The following PRUNE2 variants were observed in gnomAD, a reference collection of about 807,000 sequenced individuals.
PRUNE2 encodes the protein protein prune homolog 2.
In PRUNE2, 164 loss-of-function variants were observed where a neutral mutation model predicts 252.0. The ratio of observed to expected loss-of-function variants is 0.65; its 90% CI spans 0.57 to 0.74. The LOEUF (loss-of-function observed/expected upper bound fraction) is 0.74. Ranked by LOEUF, PRUNE2 falls within the 30% of genes least tolerant of loss-of-function variation. The probability of loss-of-function intolerance (pLI) is 0.00; values close to 1 mark genes in which losing one functional copy is unlikely to be tolerated. For missense variants in PRUNE2, 3,495 were observed against 3,711.0 expected, an observed-to-expected ratio of 0.94 and a Z score of 1.51; for synonymous variants, 1,292 against 1,350.2, an observed-to-expected ratio of 0.96 and a Z score of 0.94.
rs373758196 is a variant in PRUNE2 at position 76,709,546 on chromosome 9, C to T, written c.2728G>A (p.Gly910Ser). 6.2e-6 allele frequency: 10 copies of T among 1,613,852 alleles called. No individual in the cohort carries two copies. The African/African-American group carries it at 1.2e-4, about 19-fold the overall frequency. Residue 910 changes from glycine to serine, a missense_variant, in exon 8 of 19, where the codon GGC (glycine) becomes AGC (serine). Gly to Ser is a moderately conservative substitution (Grantham distance 56). Transcript: ENST00000376718. ...GAATCTACCTTTTCATATACCTTGC[C>T]CCTAGTTTTAGGATCCACTAAACCA... ...QNGLVDPKTR[G>S]KVYEKVDSWN...
chr9:76,835,066 G>C (rs2058883190), intron 4 of PRUNE2, among the ~76,000 whole-genome samples: 1 of 152,118 alleles, frequency 6.6e-6, no homozygotes, highest in African/African-American at 2.4e-5. Context: ...AACAAAGAAA[G>C]CAATTATGAG....
intron 1 of PRUNE2, among the ~76,000 whole-genome samples, chr9:76,869,952 A>C (rs1589686240): frequency 6.6e-6 from 1 of 152,190 alleles, no homozygotes; most frequent in African/African-American, 2.4e-5. Flanking sequence ...TTTAAGGGAG[A>C]TCATTAACTA....
intron 9 of PRUNE2, among the ~76,000 whole-genome samples, chr9:76,669,704 C>T (rs2040940052): frequency 6.6e-6 from 1 of 152,178 alleles, no homozygotes; most frequent in South Asian, 2.1e-4. Flanking sequence ...GCGTGAGATG[C>T]CAGTCTTCCT....
intron 6 of PRUNE2, among the ~76,000 whole-genome samples, chr9:76,714,510 T>A (rs2046985181): frequency 6.6e-6 from 1 of 151,992 alleles, no homozygotes; most frequent in African/African-American, 2.4e-5. Flanking sequence ...TCCTCCCAGT[T>A]CAGCCTCCCA....
intron 9 of PRUNE2, among the ~76,000 whole-genome samples, chr9:76,671,217 T>A (rs953666557): frequency 3.7e-4 from 53 of 144,300 alleles, no homozygotes; most frequent in Non-Finnish European, 6.1e-5. Context: ...AAGGAGCTGA[T>A]GGAGCTGAAA....
chr9:76,865,983 G>A (rs575453387), intron 1 of PRUNE2, among the ~76,000 whole-genome samples: 164 of 152,236 alleles, frequency 1.1e-3, no homozygotes, highest in Middle Eastern at 3.4e-3. Context: ...CTCAAGACAA[G>A]ATTCTTGACT....
chr9:76,632,932 A>G (rs992777701), intron 15 of PRUNE2, among the ~76,000 whole-genome samples: 1 of 152,238 alleles, frequency 6.6e-6, no homozygotes, highest in Non-Finnish European at 1.5e-5. Flanking sequence ...AAAATATTCT[A>G]TGATGCCGGC....
rs775573390 is a variant in PRUNE2, at chr9:76,709,331, G to A, written c.2943C>T (p.Asp981=). 1.5e-5 allele frequency: 24 copies of A among 1,613,674 alleles called. No individual in the cohort carries two copies. The highest frequency in any genetic ancestry group is 8.9e-5 in the East Asian group (4 of 44,880). ...ATGGCTTGTGTTCAGTTTCCTTTTC[G>A]TCTCCAGCAAATGTTGGTGATGTGT... ...DSYTSPTFAG[D]EKETEHKPFA... The change falls in exon 8 of 19, where the codon GAC becomes GAT. Residue 981 remains aspartate (D), a synonymous_variant. Coordinates refer to ENST00000376718, the MANE Select transcript of PRUNE2 (RefSeq NM_015225.3).
At chr9:76,859,342 T>C (rs2060429978) in intron 1 of PRUNE2, among the ~76,000 whole-genome samples, 1 of 152,176 alleles carries the variant, frequency 6.6e-6, no homozygotes, top group Non-Finnish European at 1.5e-5. Flanking sequence ...TCAGATTCAA[T>C]GGCCCATTAA....
chr9:76,846,564 G>T lies in PRUNE2; in HGVS notation c.459C>A (p.Leu153=). 9 of 1,614,088 alleles carry T rather than the reference G, an allele frequency of 5.6e-6. No individual in the cohort carries two copies. Among genetic ancestry groups the T allele is most frequent in the Non-Finnish European group, 7.6e-6 (9 of 1,179,966 alleles). ...CGGTGATGAGCTCAGGAGCCTCTTG[G>T]AGAATCTCCTTTAGCACGAGAGAAG... ...SSSSLVLKEI[L]QEAPELITEQ... The change falls in exon 4 of 19, where the codon CTC becomes CTA. Residue 153 remains leucine (L), a synonymous_variant. Coordinates refer to ENST00000376718, the MANE Select transcript of PRUNE2 (RefSeq NM_015225.3).
intron 6 of PRUNE2, among the ~76,000 whole-genome samples, chr9:76,767,086 A>T (rs149901244): frequency 6.6e-6 from 1 of 152,180 alleles, no homozygotes; most frequent in Non-Finnish European, 1.5e-5. Context: ...TGATGAATAA[A>T]TATCTGTTTA....
In PRUNE2 at chr9:76,846,502, A is replaced by G; in HGVS notation, c.508+13T>C. On this transcript the variant is annotated intron_variant, in intron 4 of 18. Coordinates refer to ENST00000376718, the MANE Select transcript of PRUNE2 (RefSeq NM_015225.3). ...AAGCCTTCCAGTATTTAATAGGAAG[A>G]GCCATCTCTCACCTCTGAGGCGATG... 1.9e-6 allele frequency: 3 copies of G among 1,607,082 alleles called. No individual in the cohort carries two copies. The highest frequency in any genetic ancestry group is 2.6e-6 in the Non-Finnish European group (3 of 1,175,740).
intron 4 of PRUNE2, among the ~76,000 whole-genome samples, chr9:76,843,760 C>T (rs909117770): frequency 6.8e-6 from 1 of 147,696 alleles, no homozygotes; most frequent in African/African-American, 2.5e-5. Context: ...TGGAGTTTCA[C>T]CCTTGTGCCT....
chr9:76,781,035 C>T (rs957634785), intron 6 of PRUNE2, among the ~76,000 whole-genome samples: 4 of 152,138 alleles, frequency 2.6e-5, no homozygotes, highest in African/African-American at 9.7e-5. Context: ...TCAACACATC[C>T]TATTGGTTAT....
At chr9:76,621,080 G>A (rs1055553043) in intron 17 of PRUNE2, among the ~76,000 whole-genome samples, 1 of 152,168 alleles carries the variant, frequency 6.6e-6, no homozygotes, top group Non-Finnish European at 1.5e-5. Context: ...GTGTGTGAGG[G>A]GAGAGGGAGA....
chr9:76,852,891 T>C (rs2060045885), intron 2 of PRUNE2, among the ~76,000 whole-genome samples: 2 of 152,184 alleles, frequency 1.3e-5, no homozygotes, highest in Admixed American at 1.3e-4. Context: ...ACCCCTTTTA[T>C]TGGATGTCAA....
chr9:76,810,745 G>A lies in PRUNE2; in HGVS notation c.756+12887C>T, dbSNP rs575941893. The stretch of plus-strand genomic sequence containing the variant: ...TATAAATTTGTTTTTTCATTTTAGC[G>A]TGTACTAAAAAAAAAGTCTTTGTTA... On this transcript the variant is annotated intron_variant, in intron 6 of 18. Transcript: ENST00000376718. Among the ~76,000 whole-genome samples the A allele has an allele frequency of 5.3e-5, 8 of 152,038 alleles. No individual in the cohort carries two copies. In the South Asian group the frequency reaches 6.2e-4, roughly 12 times the overall value.
chr9:76,627,857 T>C (rs1446586156), intron 16 of PRUNE2: 18 of 436,136 alleles, frequency 4.1e-5, no homozygotes, highest in South Asian at 2.8e-4. Context: ...GGGTTTACTA[T>C]AAGAGTTAAA....
At chr9:76,691,127 T>C (rs1161473227) in intron 9 of PRUNE2, among the ~76,000 whole-genome samples, 4 of 152,318 alleles carry the variant, frequency 2.6e-5, no homozygotes, top group Non-Finnish European at 5.9e-5. Context: ...CCATTTTCTC[T>C]ACAGGAGGGG....
Sources: gnomAD v4.1 joint callset for allele counts (sites outside exome capture counted in the v4.1 genomes callset) on GRCh38, gnomAD v4.1.1 for gene constraint, MANE v1.5 for transcripts, NCBI Gene and HGNC (gene_info 2026-07-23, HGNC 2026-07-21) for gene names.